PLCL2: variants seen among roughly 807,000 people sequenced by gnomAD.
PLCL2 encodes inactive phospholipase C-like protein 2.
Under a neutral mutation model 79.6 loss-of-function variants are expected in PLCL2, and 4 were observed. That is an observed-to-expected ratio of 0.05 (90% CI 0.02 to 0.11). The LOEUF is 0.11. PLCL2 is among the 10% of genes least tolerant of loss of function. The probability of loss-of-function intolerance (pLI) is 1.00; values close to 1 mark genes in which losing one functional copy is unlikely to be tolerated. For missense variants in PLCL2, 895 were observed against 1,291.0 expected (o/e 0.69, Z 4.70); for synonymous variants, 484 against 457.7 (o/e 1.06, Z -0.73).
chr3:16,908,002 A>G (rs959164715), intron 1 of PLCL2, among the ~76,000 whole-genome samples: 4 of 152,186 alleles, frequency 2.6e-5, no homozygotes, highest in Non-Finnish European at 2.9e-5. Flanking sequence ...TTAAGCAAAT[A>G]TAAGTGAAAA....
intron 1 of PLCL2, among the ~76,000 whole-genome samples, chr3:17,007,229 G>A (rs180772243): frequency 3.3e-5 from 5 of 152,218 alleles, no homozygotes; most frequent in Middle Eastern, 3.4e-3. Flanking sequence ...TGACGCAGAC[G>A]GATCACGAGG....
At chr3:16,962,445 C>T (rs1182129482) in intron 1 of PLCL2, among the ~76,000 whole-genome samples, 1 of 149,280 alleles carries the variant, frequency 6.7e-6, no homozygotes, top group Non-Finnish European at 1.5e-5. Context: ...TCCCCAAGGA[C>T]CTTTGATGTT....
intron 4 of PLCL2, among the ~76,000 whole-genome samples, chr3:17,050,444 T>A (rs573405535): frequency 4.6e-5 from 7 of 152,166 alleles, no homozygotes; most frequent in Admixed American, 3.3e-4. Context: ...AACAACTCTG[T>A]AGGAAAAAAA....
chr3:16,914,319 A>G (rs1016099647), intron 1 of PLCL2, among the ~76,000 whole-genome samples: 2 of 152,238 alleles, frequency 1.3e-5, no homozygotes, highest in Admixed American at 6.5e-5. Context: ...GGAGCAACAT[A>G]TTCAATTTAA....
chr3:17,016,198 A>G (rs2064381516), intron 3 of PLCL2, among the ~76,000 whole-genome samples: 1 of 152,216 alleles, frequency 6.6e-6, no homozygotes, highest in African/African-American at 2.4e-5. Flanking sequence ...AAGATTCTAG[A>G]GAATATATTT....
intron 1 of PLCL2, among the ~76,000 whole-genome samples, chr3:16,936,380 C>T (rs1195309362): frequency 6.6e-6 from 1 of 152,138 alleles, no homozygotes; most frequent in South Asian, 2.1e-4. Context: ...GGCTCCTTAT[C>T]GAAGCCCTGG....
chr3:16,890,099 G>A (rs958554670), intron 1 of PLCL2, among the ~76,000 whole-genome samples: 8 of 152,186 alleles, frequency 5.3e-5, no homozygotes, highest in East Asian at 1.9e-4. Context: ...AAAGGCCAAA[G>A]CATGGTTGCT....
chr3:17,087,255 T>C (rs1029021999), intron 5 of PLCL2, among the ~76,000 whole-genome samples: 70 of 152,224 alleles, frequency 4.6e-4, no homozygotes, highest in African/African-American at 1.6e-3. Context: ...GGAAGCAACA[T>C]AGATGTCCTG....
At chr3:16,925,498 G>A (rs1010193296) in intron 1 of PLCL2, among the ~76,000 whole-genome samples, 2 of 152,006 alleles carry the variant, frequency 1.3e-5, no homozygotes, top group Non-Finnish European at 2.9e-5. Flanking sequence ...CTATCTAATT[G>A]CAGAACACTT....
intron 3 of PLCL2, among the ~76,000 whole-genome samples, chr3:17,024,515 A>C (rs1174252478): frequency 2.6e-5 from 4 of 152,118 alleles, no homozygotes; most frequent in Admixed American, 1.3e-4. Flanking sequence ...TTGTGTAATT[A>C]TTTTTGTAGT....
In PLCL2 at chr3:16,968,336, A is replaced by G. The variant is rs145961560; in HGVS notation, c.328-41338A>G. 7.8e-3 allele frequency among the ~76,000 whole-genome samples: 1,187 copies of G among 152,236 alleles called. 18 individuals are homozygous for G. Among genetic ancestry groups the G allele is most frequent in the African/African-American group, 0.026 (1,090 of 41,550 alleles). On this transcript the variant is annotated intron_variant, in intron 1 of 5. Coordinates refer to ENST00000615277, the MANE Select transcript of PLCL2 (RefSeq NM_001144382.2). The stretch of plus-strand genomic sequence containing the variant: ...TCATTGGTAGTTTGATAGGAATAGC[A>G]TTGAATCTATAAATTCCTTTGGTCA...
chr3:17,079,592 C>T (rs1313773790), intron 5 of PLCL2, among the ~76,000 whole-genome samples: 1 of 152,178 alleles, frequency 6.6e-6, no homozygotes, highest in Non-Finnish European at 1.5e-5. Context: ...CCTGGGCCTG[C>T]CGCCGTCCTT....
intron 1 of PLCL2, among the ~76,000 whole-genome samples, chr3:16,983,404 C>T (rs1176083523): frequency 1.3e-5 from 2 of 152,156 alleles, no homozygotes; most frequent in East Asian, 1.9e-4. Context: ...CATGGTGGCT[C>T]ATGCTTGTAA....
At chr3:16,916,047 A>G (rs754739912) in intron 1 of PLCL2, among the ~76,000 whole-genome samples, 41 of 152,188 alleles carry the variant, frequency 2.7e-4, no homozygotes, top group Non-Finnish European at 1.8e-4. Flanking sequence ...GTAAGGGCCC[A>G]TAATCTTAAA....
At chr3:17,043,934 A>G (rs1390638544) in intron 4 of PLCL2, 1 of 152,206 alleles carries the variant, frequency 6.6e-6, no homozygotes, top group Non-Finnish European at 1.5e-5. Context: ...CCTACAATCT[A>G]CATTTAATTA....
At chr3:17,005,943 C>T (rs536333620) in intron 1 of PLCL2, among the ~76,000 whole-genome samples, 1 of 152,178 alleles carries the variant, frequency 6.6e-6, no homozygotes, top group South Asian at 2.1e-4. Flanking sequence ...CACAGTATAA[C>T]AGCCAATTCT....
chr3:16,903,433 C>T (rs1350258687), intron 1 of PLCL2, among the ~76,000 whole-genome samples: 1 of 152,194 alleles, frequency 6.6e-6, no homozygotes, highest in Non-Finnish European at 1.5e-5. Context: ...GGCACTGAAA[C>T]AGGCCTGTCC....
chr3:16,928,431 A>G, intron 1 of PLCL2, among the ~76,000 whole-genome samples: 1 of 152,240 alleles, frequency 6.6e-6, no homozygotes, highest in East Asian at 1.9e-4. Flanking sequence ...AGAGTCCTCC[A>G]GGGATGAGAA....
At chr3:17,047,446 A>G (rs575477861) in intron 4 of PLCL2, among the ~76,000 whole-genome samples, 6 of 152,162 alleles carry the variant, frequency 3.9e-5, no homozygotes, top group African/African-American at 1.4e-4. Context: ...ACTAAATGAA[A>G]GATGACCCAG....
Sources: gnomAD v4.1 joint callset for allele counts (sites outside exome capture counted in the v4.1 genomes callset) on GRCh38, gnomAD v4.1.1 for gene constraint, MANE v1.5 for transcripts, NCBI Gene and HGNC (gene_info 2026-07-23, HGNC 2026-07-21) for gene names.